COG7: variants seen among roughly 807,000 people sequenced by gnomAD.
COG7 encodes conserved oligomeric Golgi complex subunit 7.
Under a neutral mutation model 91.5 loss-of-function variants are expected in COG7, and 49 were observed. That is an observed-to-expected ratio of 0.54 (90% confidence interval 0.43 to 0.68). COG7 has a LOEUF of 0.68. Ranked by LOEUF, COG7 falls within the 30% of genes least tolerant of loss-of-function variation. The pLI, the probability that COG7 is intolerant of heterozygous loss-of-function variation, is 0.00. For synonymous variants in COG7, 365 were observed against 388.7 expected (o/e 0.94, Z 0.72); for missense variants, 895 against 961.3 (o/e 0.93, Z 0.91).
intron 6 of COG7, among the ~76,000 whole-genome samples, chr16:23,427,917 C>T (rs1963873743): frequency 6.6e-6 from 1 of 152,146 alleles, no homozygotes; most frequent in South Asian, 2.1e-4. Context: ...TGGCTCACAC[C>T]TATAATCCCA....
chr16:23,424,819 C>T lies in COG7; in HGVS notation c.939G>A (p.Arg313=). The stretch of plus-strand genomic sequence containing the variant: ...CGGTGGCGTCGTAGAACTCCAGCAG[C>T]CTGGTGAGCTCCTGCTCGGGCCCTG... ...ERAGPEQELT[R]LLEFYDATAH... is the part of the protein sequence containing the mutation. Residue 313 remains arginine (R), a synonymous_variant, in exon 7 of 17, where the codon AGG becomes AGA. Coordinates refer to ENST00000307149, the MANE Select transcript of COG7 (RefSeq NM_153603.4). The T allele has an allele frequency of 1.2e-6, 2 of 1,614,232 alleles. No homozygotes were observed. Among genetic ancestry groups the T allele is most frequent in the Non-Finnish European group, 1.7e-6 (2 of 1,180,044 alleles).
chr16:23,392,575 G>T, intron 15 of COG7, 52 bp from the exon 16 acceptor site: 1 of 1,608,954 alleles, frequency 6.2e-7, no homozygotes, highest in South Asian at 1.1e-5. Context: ...AGTAGCTGCT[G>T]AATGCACCAA....
chr16:23,404,940 G>C (rs557735184), intron 12 of COG7, among the ~76,000 whole-genome samples: 3 of 152,164 alleles, frequency 2.0e-5, no homozygotes, highest in African/African-American at 7.2e-5. Context: ...ATTTTCTACT[G>C]CATCTGGTGC....
At chr16:23,419,777 C>CA (rs1963723574) in intron 7 of COG7, among the ~76,000 whole-genome samples, 2 of 147,710 alleles carry the variant, frequency 1.4e-5, no homozygotes, top group African/African-American at 5.0e-5. Context: ...AGAACTGCCA[C>CA]AGAGAAAAGG....
chr16:23,435,734 C>T (rs1294379722), intron 4 of COG7, among the ~76,000 whole-genome samples: 2 of 152,206 alleles, frequency 1.3e-5, no homozygotes, highest in Non-Finnish European at 2.9e-5. Flanking sequence ...CTCTGTTCCC[C>T]TTCACTTCTG....
rs1964291126 is a variant in COG7 at position 23,452,961 on chromosome 16, C to T, written c.34G>A (p.Asp12Asn). The change falls in exon 1 of 17, where the codon GAC (aspartate) becomes AAC (asparagine). Residue 12 changes from aspartate to asparagine, a missense_variant. By Grantham distance (23) the Asp-to-Asn change is conservative (BLOSUM62 1). Coordinates refer to ENST00000307149, the MANE Select transcript of COG7 (RefSeq NM_153603.4). ...GCCGCATTGATCCACTCCTTCACGTCGAAGTCGTCTGCCAGGAACTTGGAG... is the reference window on the plus strand; with the variant it reads ...GCCGCATTGATCCACTCCTTCACGTTGAAGTCGTCTGCCAGGAACTTGGAG... ...DFSKFLADDF[D>N]VKEWINAAFR... 6.2e-7 allele frequency: 1 copy of T among 1,614,072 alleles called. No individual in the cohort carries two copies. Among genetic ancestry groups the T allele is most frequent in the South Asian group, 1.1e-5 (1 of 91,084 alleles).
At chr16:23,425,642 G>A (rs1963834519) in intron 6 of COG7, among the ~76,000 whole-genome samples, 1 of 152,048 alleles carries the variant, frequency 6.6e-6, no homozygotes, top group African/African-American at 2.4e-5. Context: ...ACCTTTTAAA[G>A]AAGTATAACT....
chr16:23,430,926 G>A (rs1963924197), intron 6 of COG7, among the ~76,000 whole-genome samples: 1 of 151,944 alleles, frequency 6.6e-6, no homozygotes, highest in Non-Finnish European at 1.5e-5. Context: ...CACTTTGGGA[G>A]GCTGAGGCGG....
At chr16:23,429,764 C>CA (rs949757845) in intron 6 of COG7, among the ~76,000 whole-genome samples, 78 of 145,832 alleles carry the variant, frequency 5.3e-4, no homozygotes, top group Non-Finnish European at 9.8e-4. Context: ...AACTCCGTCT[C>CA]AAAAAAAAAA....
chr16:23,445,560 C>G (rs527566528), intron 2 of COG7, among the ~76,000 whole-genome samples: 75 of 152,012 alleles, frequency 4.9e-4, no homozygotes, highest in Admixed American at 1.5e-3. Flanking sequence ...GGCTGAGGCA[C>G]GAGAATCGCT....
chr16:23,397,184 T>C (rs1358567299), intron 14 of COG7, among the ~76,000 whole-genome samples: 3 of 152,212 alleles, frequency 2.0e-5, no homozygotes, highest in Non-Finnish European at 4.4e-5. Flanking sequence ...GCTGTGACTA[T>C]AAGCATGAGC....
intron 16 of COG7, chr16:23,389,926 G>A (rs1005315955): frequency 1.3e-5 from 2 of 152,254 alleles, no homozygotes; most frequent in Non-Finnish European, 2.9e-5. Context: ...TGTGACCTCA[G>A]AGAAGCCCTT....
rs150666550 is a variant in COG7, at chr16:23,424,915, C to T, written c.843G>A (p.Val281=). 3.1e-6 allele frequency: 5 copies of T among 1,612,826 alleles called. No individual in the cohort carries two copies. In the African/African-American group the frequency reaches 6.7e-5, roughly 21 times the overall value. The part of the protein sequence containing the change: ...VFQKPHEVVM[V]LLIQTLGALM... ...GGGCCCCCAGGGTCTGAATCAGCAGCACCATTACCACCTCGTGGGGCTTCT... is the reference window on the plus strand; with the variant it reads ...GGGCCCCCAGGGTCTGAATCAGCAGTACCATTACCACCTCGTGGGGCTTCT... Residue 281 remains valine (V), a synonymous_variant, in exon 7 of 17, where the codon GTG becomes GTA. Transcript: ENST00000307149.
At chr16:23,435,664 A>G (rs925937057) in intron 4 of COG7, among the ~76,000 whole-genome samples, 3 of 152,098 alleles carry the variant, frequency 2.0e-5, no homozygotes, top group Non-Finnish European at 2.9e-5. Flanking sequence ...CCTTAGAACT[A>G]TATCAAAAGA....
chr16:23,411,859 A>C (rs952188306), intron 10 of COG7, among the ~76,000 whole-genome samples: 3 of 152,068 alleles, frequency 2.0e-5, no homozygotes, highest in Non-Finnish European at 4.4e-5. Context: ...GAATGGTTTT[A>C]AGAAAAAGAA....
chr16:23,402,829 TCCTGACTCCCAGTGAGGGGGTGAGG>T (rs1482228792), intron 13 of COG7, among the ~76,000 whole-genome samples: 3 of 152,244 alleles, frequency 2.0e-5, no homozygotes, highest in African/African-American at 7.2e-5. Flanking sequence ...CGGATGGGAA[TCCTGACTCCCAGTGAGGGGGTGAGG>T]CCTGACTGAG....
At chr16:23,399,780 G>C (rs1160587990) in intron 13 of COG7, among the ~76,000 whole-genome samples, 1 of 152,078 alleles carries the variant, frequency 6.6e-6, no homozygotes, top group Non-Finnish European at 1.5e-5. Flanking sequence ...CCTTGAACAA[G>C]TAAATTGCAA....
intron 1 of COG7, chr16:23,446,589 T>G (rs1486666102): frequency 6.5e-6 from 1 of 153,828 alleles, no homozygotes; most frequent in Non-Finnish European, 1.4e-5. Flanking sequence ...GTAGCTGGTT[T>G]TATAGGCGCC....
chr16:23,392,302 C>A, intron 16 of COG7, 78 bp downstream of exon 16: 1 of 1,601,868 alleles, frequency 6.2e-7, no homozygotes, highest in Non-Finnish European at 8.5e-7. Context: ...GGATGAGATT[C>A]CTGGAGGGCA....
Sources: allele counts gnomAD v4.1 joint callset (sites outside exome capture counted in the v4.1 genomes callset), GRCh38; gene constraint gnomAD v4.1.1; transcripts MANE v1.5; gene names NCBI Gene and HGNC (gene_info 2026-07-23, HGNC 2026-07-21).